PPFIA3: variants seen among roughly 807,000 people sequenced by gnomAD.
PPFIA3 encodes PPFI scaffold protein A3, also known as liprin-alpha-3.
Under a neutral mutation model 145.8 loss-of-function variants are expected in PPFIA3, and 26 were observed. The ratio of observed to expected loss-of-function variants is 0.18; its 90% confidence interval spans 0.13 to 0.25. The LOEUF (loss-of-function observed/expected upper bound fraction) is 0.25. PPFIA3 is among the 10% of genes least tolerant of loss of function. The probability of loss-of-function intolerance (pLI) is 1.00; values close to 1 mark genes in which losing one functional copy is unlikely to be tolerated. For synonymous variants in PPFIA3, 645 were observed against 661.4 expected (o/e 0.98, Z 0.38); for missense variants, 1,008 against 1,587.8 (o/e 0.63, Z 6.21).
chr19:49,149,979 G>T lies in PPFIA3; in HGVS notation c.3527-101G>T. The T allele has an allele frequency of 7.2e-7, 1 of 1,386,874 alleles. No homozygotes were observed. Among genetic ancestry groups the T allele is most frequent in the South Asian group, 1.3e-5 (1 of 77,540 alleles). The allele number at this position is 1,386,874 out of a possible 1,614,324, so 85.9% of individuals were successfully genotyped here. On this transcript the variant is annotated intron_variant, in intron 28 of 29. Coordinates refer to ENST00000334186, the MANE Select transcript of PPFIA3 (RefSeq NM_003660.4). This position sits in a 1 kb window ranked among gnomAD's most constrained non-coding sequence, Gnocchi z 5.7. ...GAGGGAAACCCATGTGGAGCCCGGC[G>T]ATCGTTGTGACATCGGGAAGGGAAG...
At chr19:49,146,108 C>G in intron 22 of PPFIA3, 58 bp from the exon 23 acceptor site, 1 of 1,610,966 alleles carries the variant, frequency 6.2e-7, no homozygotes, top group Non-Finnish European at 8.5e-7. Context: ...TCCTTGCGTC[C>G]TCCTCTGCCT....
rs780900102 is a variant in PPFIA3, at chr19:49,136,823, G to A, written c.1765G>A (p.Glu589Lys). ...EEEAEGMFGAELLSPSGQADV... is the reference protein window; with the variant it reads ...EEEAEGMFGAKLLSPSGQADV... ...GGAGGCAGAGGGGATGTTTGGGGCC[G>A]AGCTGCTGTCCCCCAGTGGGCAGGC... The change falls in exon 15 of 30, where the codon GAG (glutamate) becomes AAG (lysine). Residue 589 changes from glutamate (E) to lysine (K), a missense_variant. By Grantham distance (56) the Glu-to-Lys change is moderately conservative. Coordinates refer to ENST00000334186, the MANE Select transcript of PPFIA3 (RefSeq NM_003660.4). 6.3e-6 allele frequency: 10 copies of A among 1,591,142 alleles called. No homozygotes were observed. Among genetic ancestry groups the A allele is most frequent in the African/African-American group, 1.3e-5 (1 of 74,754 alleles).
intron 1 of PPFIA3, among the ~76,000 whole-genome samples, chr19:49,121,631 C>T (rs1286757825): frequency 6.6e-6 from 1 of 152,032 alleles, no homozygotes; most frequent in Non-Finnish European, 1.5e-5. Flanking sequence ...ACAAAATTAG[C>T]CAGGCGTGGT....
At chr19:49,146,713 T>A (rs2041285448) in intron 23 of PPFIA3, among the ~76,000 whole-genome samples, 3 of 152,150 alleles carry the variant, frequency 2.0e-5, no homozygotes, top group South Asian at 4.1e-4. Flanking sequence ...GCAGATCACC[T>A]GAGGTCAGGA....
Position 49,150,284 on chromosome 19 carries a change from C to T in PPFIA3, c.*62C>T. The stretch of plus-strand genomic sequence containing the variant: ...TCTTCCCGAGGCTGGGCTGTTCCCT[C>T]TCCTGCCCGGACTGTGGCCTCGCCG... On this transcript the variant is annotated 3_prime_UTR_variant, in exon 30 of 30. Transcript: ENST00000334186. 2 of 877,834 alleles carry T rather than the reference C, an allele frequency of 2.3e-6. No individual in the cohort carries two copies. Among genetic ancestry groups the T allele is most frequent in the Non-Finnish European group, 1.7e-6 (1 of 584,950 alleles). 54.4% of individuals were successfully genotyped at this position (877,834 alleles called of 1,614,324 possible).
chr19:49,136,882 G>A lies in PPFIA3; in HGVS notation c.1824G>A (p.Glu608=), dbSNP rs2122593496. 1 of 1,566,750 alleles carries A rather than the reference G, an allele frequency of 6.4e-7. No individual in the cohort carries two copies. Among genetic ancestry groups the A allele is most frequent in the Non-Finnish European group, 8.7e-7 (1 of 1,155,344 alleles). ...DVQTLAIMLQ[E]QLEAINKEIK... Reference sequence around the variant, plus strand: ...AGACGCTGGCCATCATGCTTCAGGAGCAGCTGGAGGCCATCAACAAGGAGA... The same window carrying A: ...AGACGCTGGCCATCATGCTTCAGGAACAGCTGGAGGCCATCAACAAGGAGA... The change falls in exon 15 of 30, where the codon GAG becomes GAA. Residue 608 remains glutamate (E), a synonymous_variant. Transcript: ENST00000334186.
At chr19:49,139,576 C>T (rs1163996387) in intron 16 of PPFIA3, 92 bp from the exon 17 acceptor site, 2 of 1,374,102 alleles carry the variant, frequency 1.5e-6, no homozygotes, top group Non-Finnish European at 9.7e-7. Flanking sequence ...CCAGGGTCAC[C>T]CCACACACAC....
intron 16 of PPFIA3, among the ~76,000 whole-genome samples, chr19:49,139,346 G>A (rs942987494): frequency 1.5e-4 from 22 of 150,936 alleles, no homozygotes; most frequent in Non-Finnish European, 2.2e-4. Flanking sequence ...AAAATTACCC[G>A]GGCATGGTGG....
At chr19:49,124,713 C>G (rs535593433) in intron 1 of PPFIA3, among the ~76,000 whole-genome samples, 4 of 152,256 alleles carry the variant, frequency 2.6e-5, no homozygotes, top group African/African-American at 7.2e-5. Context: ...ATTTAAGGCT[C>G]TGGAACAGGC....
At chr19:49,122,491 T>C (rs1347190030) in intron 1 of PPFIA3, among the ~76,000 whole-genome samples, 5 of 152,208 alleles carry the variant, frequency 3.3e-5, no homozygotes, top group Non-Finnish European at 7.3e-5. Flanking sequence ...CTTTGCTAAA[T>C]GTTCATTTCA....
chr19:49,140,207 A>G (rs148572625), intron 18 of PPFIA3, 119 bp downstream of exon 18: 2 of 1,316,266 alleles, frequency 1.5e-6, no homozygotes, highest in Non-Finnish European at 2.1e-6. Flanking sequence ...TTGGTGATTT[A>G]TTTAGAATTT....
At chr19:49,140,651 T>C (rs2041209152) in intron 18 of PPFIA3, among the ~76,000 whole-genome samples, 1 of 128,376 alleles carries the variant, frequency 7.8e-6, no homozygotes, top group African/African-American at 3.2e-5. Flanking sequence ...TTTTTTTTTT[T>C]TTTTTTTTTT....
chr19:49,129,970 T>C (rs755159949), intron 5 of PPFIA3, 23 bp from the exon 6 acceptor site: 2 of 1,612,794 alleles, frequency 1.2e-6, no homozygotes, highest in South Asian at 1.1e-5. Flanking sequence ...CCCTGTGCTC[T>C]GATTCCCCTT....
rs754794126 is a variant in PPFIA3 at position 49,142,019 on chromosome 19, C to T, written c.2463-15C>T. On this transcript the variant is annotated splice_polypyrimidine_tract_variant and intron_variant, in intron 19 of 29. Coordinates refer to ENST00000334186, the MANE Select transcript of PPFIA3 (RefSeq NM_003660.4). ...ATCCCTGACAGCTTCTATCCTGGCC[C>T]CTTCACCCTTACAGGCATGAACTCC... 7 of 1,556,618 alleles carry T rather than the reference C, an allele frequency of 4.5e-6. No individual in the cohort carries two copies. In the South Asian group the frequency reaches 8.3e-5, roughly 18 times the overall value.
chr19:49,149,729 C>T lies in PPFIA3; in HGVS notation c.3526+11C>T, dbSNP rs758380205. On this transcript the variant is annotated intron_variant, in intron 28 of 29. Coordinates refer to ENST00000334186, the MANE Select transcript of PPFIA3 (RefSeq NM_003660.4). The surrounding 1 kb of genome is among the most constrained non-coding windows in gnomAD (Gnocchi z 5.7). Reference sequence around the variant, plus strand: ...AGCTGCAGCCAGAAGGTGGGGGGCTCCCAAATGCGACAGCCCTTCCTCGCT... The same window carrying T: ...AGCTGCAGCCAGAAGGTGGGGGGCTTCCAAATGCGACAGCCCTTCCTCGCT... The T allele has an allele frequency of 2.5e-6, 4 of 1,593,756 alleles. No individual in the cohort carries two copies. Among genetic ancestry groups the T allele is most frequent in the South Asian group, 2.3e-5 (2 of 88,186 alleles).
chr19:49,128,627 C>A lies in PPFIA3; in HGVS notation c.342+159C>A. 1.3e-6 allele frequency: 1 copy of A among 774,026 alleles called. No homozygotes were observed. The highest frequency in any genetic ancestry group is 2.1e-6 in the Non-Finnish European group (1 of 481,290). 47.9% of individuals were successfully genotyped at this position (774,026 alleles called of 1,614,324 possible). On this transcript the variant is annotated intron_variant, in intron 3 of 29. Transcript: ENST00000334186. This position sits in a 1 kb window ranked among gnomAD's most constrained non-coding sequence, Gnocchi z 4.1. ...TGCTCCCACTTCCTGGCTGGTCTCCCACTCTGGTGCCACTCCTTCCTCCCT... is the reference window on the plus strand; with the variant it reads ...TGCTCCCACTTCCTGGCTGGTCTCCAACTCTGGTGCCACTCCTTCCTCCCT...
chr19:49,142,132 A>G lies in PPFIA3; in HGVS notation c.2544+17A>G. ...TGGCTGGAGGTACTGGGGCCCAGAAATGCCCTGACTGTTGGTCCCCAACCC... is the reference window on the plus strand; with the variant it reads ...TGGCTGGAGGTACTGGGGCCCAGAAGTGCCCTGACTGTTGGTCCCCAACCC... On this transcript the variant is annotated intron_variant, in intron 20 of 29. Transcript: ENST00000334186. 6.4e-7 allele frequency: 1 copy of G among 1,559,088 alleles called. No individual in the cohort carries two copies. The highest frequency in any genetic ancestry group is 8.7e-7 in the Non-Finnish European group (1 of 1,150,564).
intron 1 of PPFIA3, among the ~76,000 whole-genome samples, chr19:49,122,072 A>G (rs894229519): frequency 5.6e-5 from 8 of 143,748 alleles, no homozygotes; most frequent in African/African-American, 2.1e-4. Context: ...TCTAGGCCAG[A>G]TGCCAATTTT....
chr19:49,142,665 C>T, intron 20 of PPFIA3, 139 bp from the exon 21 acceptor site: 1 of 498,310 alleles, frequency 2.0e-6, no homozygotes, highest in Non-Finnish European at 3.5e-6. Context: ...TGTCCTGTTT[C>T]TTCTCCTTGC....
Sources: allele counts gnomAD v4.1 joint callset (sites outside exome capture counted in the v4.1 genomes callset), GRCh38; gene constraint gnomAD v4.1.1; non-coding constraint Gnocchi (gnomAD v3.1); transcripts MANE v1.5; gene names NCBI Gene and HGNC (gene_info 2026-07-23, HGNC 2026-07-21).